MYOCOS: variants seen among roughly 807,000 people sequenced by gnomAD.
MYOCOS encodes the protein myocilin opposite strand protein.
intron 1 of MYOCOS, among the ~76,000 whole-genome samples, chr1:171,608,806 G>A (rs1652302245): frequency 6.6e-6 from 1 of 152,128 alleles, no homozygotes; most frequent in South Asian, 2.1e-4. Flanking sequence ...TCTTGGATGA[G>A]GCATTCTCTG....
At chr1:171,619,049 C>A (rs1172165351), upstream of MYOCOS, among the ~76,000 whole-genome samples, 3 of 152,252 alleles carry the variant, frequency 2.0e-5, no homozygotes, top group African/African-American at 7.2e-5. Context: ...GTAACGACAT[C>A]TTGTAGTTGG....
chr1:171,619,571 G>A (rs1250827753), upstream of MYOCOS, among the ~76,000 whole-genome samples: 1 of 152,140 alleles, frequency 6.6e-6, no homozygotes, highest in Non-Finnish European at 1.5e-5. Context: ...AATCAAGGCC[G>A]AGCACAGTGG....
chr1:171,621,374 G>GT (rs397974158), upstream of MYOCOS, among the ~76,000 whole-genome samples: 66,629 of 114,914 alleles, frequency 0.58, 20,722 homozygotes, highest in Middle Eastern at 0.67. Flanking sequence ...TCTATGGTGG[G>GT]TTTTTTTTTT....
chr1:171,622,983 C>T (rs965648781), intron 1 of MYOCOS, among the ~76,000 whole-genome samples: 1 of 152,146 alleles, frequency 6.6e-6, no homozygotes, highest in African/African-American at 2.4e-5. Context: ...AATCCCAGCA[C>T]TTTGGAAGGC....
rs542935612 is a variant in MYOCOS at position 171,625,142 on chromosome 1, A to G, written c.95+1164A>G. On this transcript the variant is annotated intron_variant, in intron 2 of 2. Transcript: ENST00000637642. ...ATGGGAATGTCAAATCTTTGTTGAT[A>G]GTGGTGCACAGCCAATTTGATACCA... Among the ~76,000 whole-genome samples the G allele has an allele frequency of 2.0e-5, 3 of 152,276 alleles. No homozygotes were observed. In the South Asian group the frequency reaches 6.2e-4, roughly 32 times the overall value.
At chr1:171,608,989 G>A (rs1022957798) in intron 1 of MYOCOS, among the ~76,000 whole-genome samples, 2 of 152,106 alleles carry the variant, frequency 1.3e-5, no homozygotes, top group East Asian at 3.8e-4. Context: ...TCCAGATTAG[G>A]ATTGGTCTCT....
chr1:171,617,701 CT>C (rs923549083), upstream of MYOCOS, among the ~76,000 whole-genome samples: 1 of 152,120 alleles, frequency 6.6e-6, no homozygotes, highest in African/African-American at 2.4e-5. Context: ...ATTTTTGTGT[CT>C]TTGTTTTGTG....
At chr1:171,613,145 T>A (rs1652384240) in intron 1 of MYOCOS, among the ~76,000 whole-genome samples, 1 of 152,204 alleles carries the variant, frequency 6.6e-6, no homozygotes, top group East Asian at 1.9e-4. Context: ...CTTGACTAAA[T>A]GTCCCTAGAT....
intron 1 of MYOCOS, among the ~76,000 whole-genome samples, chr1:171,608,461 AGGCTG>A (rs929211349): frequency 1.8e-5 from 2 of 110,518 alleles, no homozygotes; most frequent in African/African-American, 7.3e-5. Flanking sequence ...TGTGTTGCCC[AGGCTG>A]GAGTGCAGTG....
intron 1 of MYOCOS, among the ~76,000 whole-genome samples, chr1:171,605,033 C>A (rs1348314958): frequency 1.3e-5 from 2 of 152,042 alleles, no homozygotes; most frequent in East Asian, 1.9e-4. Flanking sequence ...GTATTTCAGA[C>A]TTTCTGTGAT....
upstream of MYOCOS, among the ~76,000 whole-genome samples, chr1:171,620,891 T>G (rs1421450166): frequency 6.7e-6 from 1 of 148,324 alleles, no homozygotes; most frequent in South Asian, 2.3e-4. Context: ...TGCCTCAGCC[T>G]CCCGAGTAGC....
chr1:171,618,986 T>A (rs1310756536), upstream of MYOCOS, among the ~76,000 whole-genome samples: 1 of 152,262 alleles, frequency 6.6e-6, no homozygotes, highest in Non-Finnish European at 1.5e-5. Context: ...CAAACTATTT[T>A]TCAAGTAAGA....
upstream of MYOCOS, among the ~76,000 whole-genome samples, chr1:171,620,804 G>A (rs1309613302): frequency 2.6e-5 from 3 of 115,972 alleles, no homozygotes; most frequent in Non-Finnish European, 5.0e-5. Flanking sequence ...ACGGAGTCTC[G>A]TTCTGTTGCC....
Position 171,626,552 on chromosome 1 carries a change from T to G in MYOCOS, c.194T>G (p.Val65Gly). The G allele has an allele frequency of 2.5e-6, 1 of 398,658 alleles. No homozygotes were observed. Among genetic ancestry groups the G allele is most frequent in the Non-Finnish European group, 4.4e-6 (1 of 226,068 alleles). 24.7% of individuals were successfully genotyped at this position (398,658 alleles called of 1,614,324 possible). ...CCCCCTCACAGGACCTACCTCACAG[T>G]ACCTCCTGCCCCACCTCCTTCTCCA... ...APPPHRTYLT[V>G]PPAPPPSPAE... The change falls in exon 3 of 3, where the codon GTA becomes GGA. Residue 65 changes from valine to glycine, a missense_variant. Coordinates refer to ENST00000637642, the MANE Select transcript of MYOCOS (RefSeq NM_001391940.1).
chr1:171,625,430 T>C (rs1287843699), intron 2 of MYOCOS, among the ~76,000 whole-genome samples: 2 of 152,228 alleles, frequency 1.3e-5, no homozygotes, highest in Non-Finnish European at 2.9e-5. Flanking sequence ...GTAATCACCT[T>C]CTGTCTCAGC....
chr1:171,608,565 C>T (rs998324792), intron 1 of MYOCOS, among the ~76,000 whole-genome samples: 1 of 151,856 alleles, frequency 6.6e-6, no homozygotes, highest in Admixed American at 6.6e-5. Flanking sequence ...CTACAGGCAC[C>T]TGCTACCATG....
intron 1 of MYOCOS, among the ~76,000 whole-genome samples, chr1:171,605,818 C>T (rs773500169): frequency 1.3e-4 from 20 of 152,200 alleles, no homozygotes; most frequent in African/African-American, 2.9e-4. Context: ...CCGAATCATA[C>T]GGTTACAAGC....
At position 171,623,995 on chromosome 1, in the gene MYOCOS, C is replaced by T. The variant is rs970510414; in HGVS notation, c.95+17C>T. On this transcript the variant is annotated intron_variant, in intron 2 of 2. Transcript: ENST00000637642. ...GATCACAAGGTACCCAAAATCTTTC[C>T]TCTGGATCGCTTGTGGGGTTGGGAC... 4 of 398,496 alleles carry T rather than the reference C, an allele frequency of 1.0e-5. No homozygotes were observed. The highest frequency in any genetic ancestry group is 7.1e-5 in the East Asian group (2 of 28,096). The allele number at this position is 398,496 out of a possible 1,614,324, so 24.7% of individuals were successfully genotyped here.
rs572566913 is a variant in MYOCOS at position 171,608,630 on chromosome 1, C to T, written c.-251-6168C>T. On this transcript the variant is annotated intron_variant, in intron 1 of 3. Coordinates refer to the MYOCOS transcript ENST00000636697. ...TAGAGATGGGGTTTCACCGTGTTAG[C>T]CAGGATGGTCTCGATCTCCTGACCT... Among the ~76,000 whole-genome samples, 7 of 151,878 alleles carry T rather than the reference C, an allele frequency of 4.6e-5. No homozygotes were observed. In the East Asian group the frequency reaches 1.4e-3, roughly 30 times the overall value.
Sources: gnomAD v4.1 joint callset for allele counts (sites outside exome capture counted in the v4.1 genomes callset) on GRCh38, gnomAD v4.1.1 for gene constraint, MANE v1.5 for transcripts, NCBI Gene and HGNC (gene_info 2026-07-23, HGNC 2026-07-21) for gene names.